CCSER1: variants seen among roughly 807,000 people sequenced by gnomAD.
The protein encoded by CCSER1 is serine-rich coiled-coil domain-containing protein 1.
In CCSER1, 41 loss-of-function variants were observed where a neutral mutation model predicts 82.0. That is an observed-to-expected ratio of 0.50 (90% CI 0.39 to 0.65). The LOEUF is 0.65. CCSER1 is among the 30% of genes least tolerant of loss of function. The probability of loss-of-function intolerance (pLI) is 0.00; values close to 1 mark genes in which losing one functional copy is unlikely to be tolerated. For synonymous variants in CCSER1, 414 were observed against 383.9 expected, an observed-to-expected ratio of 1.08 and a Z score of -0.92; for missense variants, 1,119 against 1,064.2, an observed-to-expected ratio of 1.05 and a Z score of -0.72.
intron 10 of CCSER1, among the ~76,000 whole-genome samples, chr4:91,291,665 G>C (rs1368526144): frequency 6.6e-6 from 1 of 151,932 alleles, no homozygotes; most frequent in African/African-American, 2.4e-5. Context: ...CCAAGGGGAC[G>C]GTGCTAAACC....
At chr4:90,358,172 A>G (rs1744685925) in intron 3 of CCSER1, among the ~76,000 whole-genome samples, 2 of 152,092 alleles carry the variant, frequency 1.3e-5, no homozygotes, top group Non-Finnish European at 2.9e-5. Context: ...TAATACATCA[A>G]ATATTCACTT....
chr4:91,141,056 G>A (rs1326444494), intron 10 of CCSER1, among the ~76,000 whole-genome samples: 2 of 152,014 alleles, frequency 1.3e-5, no homozygotes, highest in Non-Finnish European at 2.9e-5. Flanking sequence ...AAGTGAAAAT[G>A]TGGTATTTGG....
At chr4:90,441,083 A>C (rs1205865638) in intron 4 of CCSER1, among the ~76,000 whole-genome samples, 1 of 152,178 alleles carries the variant, frequency 6.6e-6, no homozygotes, top group Non-Finnish European at 1.5e-5. Context: ...TTTTGGGAGG[A>C]TCTGAAAGAG....
intron 9 of CCSER1, among the ~76,000 whole-genome samples, chr4:91,081,291 G>C (rs532205195): frequency 2.2e-4 from 34 of 152,258 alleles, no homozygotes; most frequent in African/African-American, 8.2e-4. Context: ...CATGTAAACA[G>C]AACCAAAGAC....
intron 7 of CCSER1, among the ~76,000 whole-genome samples, chr4:90,771,810 A>ATCCTCTGGTT (rs1176951448): frequency 2.0e-5 from 3 of 152,064 alleles, no homozygotes; most frequent in African/African-American, 7.2e-5. Context: ...TGTGTGGTGT[A>ATCCTCTGGTT]TCCTCTGGTT....
chr4:90,331,778 C>G (rs576050971), intron 3 of CCSER1, among the ~76,000 whole-genome samples: 3 of 151,082 alleles, frequency 2.0e-5, no homozygotes, highest in South Asian at 4.2e-4. Flanking sequence ...CTACCATGAG[C>G]CAGAAACTGG....
intron 10 of CCSER1, among the ~76,000 whole-genome samples, chr4:91,536,185 A>T (rs1761284440): frequency 6.6e-6 from 1 of 152,152 alleles, no homozygotes; most frequent in Non-Finnish European, 1.5e-5. Context: ...TACTTCCATG[A>T]GAAATGTATA....
intron 8 of CCSER1, among the ~76,000 whole-genome samples, chr4:90,865,045 TA>T (rs1025779797): frequency 1.1e-4 from 17 of 152,198 alleles, no homozygotes; most frequent in African/African-American, 3.4e-4. Flanking sequence ...TTTATTCATC[TA>T]GGCAGCACTT....
chr4:90,787,153 C>G (rs1754626027), intron 7 of CCSER1, among the ~76,000 whole-genome samples: 2 of 152,126 alleles, frequency 1.3e-5, no homozygotes, highest in African/African-American at 4.8e-5. Flanking sequence ...GAACTTAGTT[C>G]TCTTGGATTT....
chr4:91,143,116 G>A (rs1437468321), intron 10 of CCSER1, among the ~76,000 whole-genome samples: 1 of 152,076 alleles, frequency 6.6e-6, no homozygotes, highest in African/African-American at 2.4e-5. Flanking sequence ...CATGAACATG[G>A]AGTATTTTTT....
intron 8 of CCSER1, among the ~76,000 whole-genome samples, chr4:90,866,950 G>A (rs1765805448): frequency 6.6e-6 from 1 of 152,062 alleles, no homozygotes; most frequent in South Asian, 2.1e-4. Flanking sequence ...AGCTCAGGCA[G>A]TAATAACCCC....
chr4:90,675,517 A>C (rs1733674202), intron 6 of CCSER1, among the ~76,000 whole-genome samples: 1 of 151,944 alleles, frequency 6.6e-6, no homozygotes. Flanking sequence ...TATGATTTCT[A>C]ATGTTAGTGT....
At chr4:91,186,880 G>T (rs540027025) in intron 10 of CCSER1, among the ~76,000 whole-genome samples, 140 of 152,356 alleles carry the variant, frequency 9.2e-4, no homozygotes, top group Non-Finnish European at 1.5e-3. Flanking sequence ...AGGGCCAGGT[G>T]TTCCTTGCCC....
At chr4:90,597,894 A>G (rs1314853400) in intron 5 of CCSER1, among the ~76,000 whole-genome samples, 3 of 151,966 alleles carry the variant, frequency 2.0e-5, no homozygotes, top group Non-Finnish European at 4.4e-5. Context: ...ATGCAATATT[A>G]TTCTTTCTGT....
At chr4:91,038,098 C>T (rs1741610024) in intron 9 of CCSER1, among the ~76,000 whole-genome samples, 2 of 152,092 alleles carry the variant, frequency 1.3e-5, no homozygotes, top group Admixed American at 6.6e-5. Context: ...ACCCTGTCCA[C>T]AAGAGTTTCT....
intron 10 of CCSER1, among the ~76,000 whole-genome samples, chr4:91,302,571 T>C (rs1744750977): frequency 1.3e-5 from 2 of 152,014 alleles, no homozygotes; most frequent in Non-Finnish European, 2.9e-5. Context: ...GCCTTCTACA[T>C]AAACTCTCTC....
At chr4:91,398,145 C>G (rs562808570) in intron 10 of CCSER1, among the ~76,000 whole-genome samples, 1 of 151,754 alleles carries the variant, frequency 6.6e-6, no homozygotes, top group Admixed American at 6.6e-5. Context: ...AGATGTATGT[C>G]TATAAGTGCT....
At chr4:90,276,508 G>T (rs777040754) in intron 1 of CCSER1, among the ~76,000 whole-genome samples, 7 of 151,506 alleles carry the variant, frequency 4.6e-5, no homozygotes, top group Non-Finnish European at 1.0e-4. Context: ...ACCATGCCCA[G>T]CTAACTTTTG....
Position 90,932,956 on chromosome 4 carries a change from A to AGAAAGAG in CCSER1, c.2172+9509_2172+9510insGAAAGAG, listed in dbSNP as rs1730142969. ...AAAGAAAGAAAGAAAGAAAGAAAGA[A>AGAAAGAG]AGAAAGAAAGAAAGAAAGAAAGAAA... On this transcript the variant is annotated intron_variant, in intron 9 of 10. Coordinates refer to ENST00000509176, the MANE Select transcript of CCSER1 (RefSeq NM_001145065.2). Among the ~76,000 whole-genome samples, 2 of 44,094 alleles carry AGAAAGAG rather than the reference A, an allele frequency of 4.5e-5. 1 individual carries two copies. Among genetic ancestry groups the AGAAAGAG allele is most frequent in the East Asian group, 9.2e-4 (2 of 2,180 alleles). 28.9% of individuals were successfully genotyped at this position (44,094 alleles called of 152,430 possible). A position where few individuals can be genotyped will look rare whatever the true frequency, so the allele number is the denominator to read the frequency against.
Sources: allele counts gnomAD v4.1 joint callset (sites outside exome capture counted in the v4.1 genomes callset), GRCh38; gene constraint gnomAD v4.1.1; transcripts MANE v1.5; gene names NCBI Gene and HGNC (gene_info 2026-07-23, HGNC 2026-07-21).